Variants in ADCY8 observed in about 807,000 individuals in gnomAD.
The protein encoded by ADCY8 is adenylate cyclase type 8.
In ADCY8, 51 loss-of-function variants were observed where a neutral mutation model predicts 119.7. That is an observed-to-expected ratio of 0.43 (90% CI 0.34 to 0.54). The LOEUF (loss-of-function observed/expected upper bound fraction) is 0.54. ADCY8 is among the 20% of genes least tolerant of loss of function. ADCY8 has a pLI of 0.03. For missense variants in ADCY8, 1,383 were observed against 1,598.8 expected, an observed-to-expected ratio of 0.87 and a Z score of 2.30; for synonymous variants, 665 against 651.0, an observed-to-expected ratio of 1.02 and a Z score of -0.33.
At chr8:130,923,458 A>G (rs1820375691) in intron 5 of ADCY8, among the ~76,000 whole-genome samples, 1 of 152,220 alleles carries the variant, frequency 6.6e-6, no homozygotes, top group Non-Finnish European at 1.5e-5. Context: ...ACTCTGATTA[A>G]CTGTTGGGGA....
chr8:130,853,263 T>G (rs897501496), intron 9 of ADCY8, among the ~76,000 whole-genome samples: 2 of 152,268 alleles, frequency 1.3e-5, no homozygotes, highest in Non-Finnish European at 2.9e-5. Flanking sequence ...CTCTTCTCTT[T>G]GGCCAGGGCA....
chr8:130,802,263 A>G (rs902748124), intron 14 of ADCY8, among the ~76,000 whole-genome samples: 1 of 152,058 alleles, frequency 6.6e-6, no homozygotes, highest in Non-Finnish European at 1.5e-5. Context: ...CTCCTTCCCC[A>G]TTGTATCCAT....
intron 8 of ADCY8, among the ~76,000 whole-genome samples, chr8:130,869,955 T>TCTTCTTC (rs1554610093): frequency 0.095 from 10,986 of 116,058 alleles, 494 homozygotes; most frequent in Non-Finnish European, 0.12. Context: ...TTCTTCTTCT[T>TCTTCTTC]CTTCTTCCTT....
At chr8:130,846,885 CCCTTTCCTT>C (rs1431661488) in intron 11 of ADCY8, among the ~76,000 whole-genome samples, 708 of 17,644 alleles carry the variant, frequency 0.04, 45 homozygotes, top group African/African-American at 0.11. Flanking sequence ...CCCTTCCCTT[CCCTTTCCTT>C]CCTTCCTTCC....
chr8:130,886,855 T>C (rs1022342774), intron 7 of ADCY8, among the ~76,000 whole-genome samples: 1 of 152,178 alleles, frequency 6.6e-6, no homozygotes, highest in Non-Finnish European at 1.5e-5. Context: ...CTAAGACTTT[T>C]GGATTTCACA....
intron 1 of ADCY8, among the ~76,000 whole-genome samples, chr8:131,024,985 A>G (rs1823780075): frequency 6.6e-6 from 1 of 152,188 alleles, no homozygotes. Flanking sequence ...ATGGAATAAA[A>G]TTTTTGAGAG....
At chr8:130,879,711 A>C (rs1818697241) in intron 8 of ADCY8, among the ~76,000 whole-genome samples, 1 of 152,208 alleles carries the variant, frequency 6.6e-6, no homozygotes. Flanking sequence ...GAAATAGTTA[A>C]ATGTGCAATG....
intron 2 of ADCY8, among the ~76,000 whole-genome samples, chr8:130,954,194 T>G (rs1821356189): frequency 6.6e-6 from 1 of 152,166 alleles, no homozygotes; most frequent in South Asian, 2.1e-4. Context: ...TGTATTACAG[T>G]GATGTTTTAA....
chr8:131,025,701 A>T (rs1368256547), intron 1 of ADCY8, among the ~76,000 whole-genome samples: 1 of 152,224 alleles, frequency 6.6e-6, no homozygotes, highest in Non-Finnish European at 1.5e-5. Flanking sequence ...CCTTTTAAAT[A>T]GAAATGAGTG....
chr8:131,027,415 A>G (rs1823854866), intron 1 of ADCY8, among the ~76,000 whole-genome samples: 1 of 152,194 alleles, frequency 6.6e-6, no homozygotes, highest in Non-Finnish European at 1.5e-5. Flanking sequence ...GAACTTACCC[A>G]GTGAAGTGAA....
intron 14 of ADCY8, among the ~76,000 whole-genome samples, chr8:130,805,454 C>G (rs370965562): frequency 1.3e-5 from 2 of 152,122 alleles, no homozygotes; most frequent in African/African-American, 4.8e-5. Flanking sequence ...ATTGGGTGGT[C>G]GTTTCACAGT....
chr8:130,867,805 CA>C, intron 9 of ADCY8, 40 bp downstream of exon 9: 1 of 1,443,566 alleles, frequency 6.9e-7, no homozygotes, highest in East Asian at 2.3e-5. Context: ...AGGAATCTCA[CA>C]AAGATATTTC....
At chr8:130,890,895 G>C (rs571488720) in intron 7 of ADCY8, among the ~76,000 whole-genome samples, 19 of 152,282 alleles carry the variant, frequency 1.2e-4, no homozygotes, top group African/African-American at 4.6e-4. Context: ...TTTAGATTTA[G>C]CTATAGTAGT....
chr8:131,023,763 CAATTT>C (rs1177811390), intron 1 of ADCY8, among the ~76,000 whole-genome samples: 1 of 152,084 alleles, frequency 6.6e-6, no homozygotes, highest in Non-Finnish European at 1.5e-5. Context: ...CCAAGGAGAT[CAATTT>C]TATTAACTAG....
intron 9 of ADCY8, among the ~76,000 whole-genome samples, chr8:130,861,360 C>T (rs1306005407): frequency 1.3e-5 from 2 of 152,110 alleles, no homozygotes; most frequent in Non-Finnish European, 2.9e-5. Context: ...TTATTTACAT[C>T]TTTGATTTAT....
intron 1 of ADCY8, among the ~76,000 whole-genome samples, chr8:131,033,790 A>G (rs1019287690): frequency 1.3e-5 from 2 of 151,908 alleles, no homozygotes; most frequent in Admixed American, 6.6e-5. Context: ...ACACATACAC[A>G]TGAAGAAGAA....
At chr8:130,847,187 T>G (rs1477071624) in intron 11 of ADCY8, among the ~76,000 whole-genome samples, 1 of 145,048 alleles carries the variant, frequency 6.9e-6, no homozygotes, top group Non-Finnish European at 1.5e-5. Flanking sequence ...GAGGAAGGGG[T>G]GAAGATGAAA....
intron 8 of ADCY8, among the ~76,000 whole-genome samples, chr8:130,875,338 G>A (rs1398152325): frequency 2.0e-5 from 3 of 152,122 alleles, no homozygotes; most frequent in Non-Finnish European, 4.4e-5. Flanking sequence ...AAACTCAAGA[G>A]CAGCCTGATG....
chr8:130,916,662 G>A (rs1415011507), intron 5 of ADCY8, among the ~76,000 whole-genome samples: 2 of 152,218 alleles, frequency 1.3e-5, no homozygotes, highest in East Asian at 1.9e-4. Flanking sequence ...CCCACCCAGG[G>A]CGGAAACCGC....
Sources: gnomAD v4.1 joint callset for allele counts (sites outside exome capture counted in the v4.1 genomes callset) on GRCh38, gnomAD v4.1.1 for gene constraint, MANE v1.5 for transcripts, NCBI Gene and HGNC (gene_info 2026-07-23, HGNC 2026-07-21) for gene names.